PPFIBP2: variants seen among roughly 807,000 people sequenced by gnomAD.
PPFIBP2 encodes PPFIB scaffold protein 2, also known as liprin-beta-2.
PPFIBP2 carries 118 observed loss-of-function variants against 118.3 expected under a neutral mutation model. The ratio of observed to expected loss-of-function variants is 1.00; its 90% CI spans 0.86 to 1.16. PPFIBP2 has a LOEUF of 1.16. Ranked by LOEUF, PPFIBP2 falls within the 50% of genes most tolerant of loss-of-function variation. The probability of loss-of-function intolerance (pLI) is 0.00; values close to 1 mark genes in which losing one functional copy is unlikely to be tolerated. For missense variants in PPFIBP2, 1,195 were observed against 1,073.1 expected (o/e 1.11, Z -1.59); for synonymous variants, 414 against 397.4 (o/e 1.04, Z -0.50).
chr11:7,649,225 A>AC lies in PPFIBP2; in HGVS notation c.1990dup (p.Leu664ProfsTer43). ...AGAGTTGACAGACGAATGCTGCAAT[A>AC]CCTAACTGTGGTGAGGACTTTTTCT... On this transcript the variant is annotated frameshift_variant, in exon 20 of 24. Transcript: ENST00000299492. LOFTEE classifies it high-confidence loss of function. The AC allele has an allele frequency of 6.2e-7, 1 of 1,613,218 alleles. No homozygotes were observed. The highest frequency in any genetic ancestry group is 8.5e-7 in the Non-Finnish European group (1 of 1,179,214).
intron 6 of PPFIBP2, among the ~76,000 whole-genome samples, chr11:7,614,621 G>A (rs1848430328): frequency 6.6e-6 from 1 of 152,106 alleles, no homozygotes; most frequent in Non-Finnish European, 1.5e-5. Flanking sequence ...GAATTTATGG[G>A]TCAAGGAGTA....
At chr11:7,619,512 G>A (rs145923419) in intron 6 of PPFIBP2, among the ~76,000 whole-genome samples, 11 of 152,330 alleles carry the variant, frequency 7.2e-5, no homozygotes, top group African/African-American at 2.6e-4. Flanking sequence ...ATGATCTGAT[G>A]TATGGTTTGA....
Position 7,563,093 on chromosome 11 carries a change from G to A in PPFIBP2, c.65-2460G>A, listed in dbSNP as rs150299730. Among the ~76,000 whole-genome samples the A allele has an allele frequency of 3.8e-3, 577 of 151,138 alleles. 4 individuals carry two copies. The highest frequency in any genetic ancestry group is 0.013 in the African/African-American group (532 of 41,136). On this transcript the variant is annotated intron_variant, in intron 2 of 23. Coordinates refer to ENST00000299492, the MANE Select transcript of PPFIBP2 (RefSeq NM_003621.5). The stretch of plus-strand genomic sequence containing the variant: ...AATCCCAAAGCTTTAGGGCAGAGAG[G>A]GTCACAGAGAAAGGAAGAGACTTTT...
chr11:7,614,459 A>G (rs1396959784), intron 6 of PPFIBP2, among the ~76,000 whole-genome samples: 2 of 152,178 alleles, frequency 1.3e-5, no homozygotes, highest in South Asian at 2.1e-4. Flanking sequence ...CCTCATTCAT[A>G]TCTATGTCTG....
chr11:7,557,295 T>C (rs7115550), intron 2 of PPFIBP2, among the ~76,000 whole-genome samples: 38,492 of 151,812 alleles, frequency 0.25, 5,718 homozygotes, highest in African/African-American at 0.42. Flanking sequence ...GCTTTCCTTT[T>C]CTTTAAGGTT....
At chr11:7,579,396 T>C (rs2134983394) in intron 3 of PPFIBP2, among the ~76,000 whole-genome samples, 1 of 152,272 alleles carries the variant, frequency 6.6e-6, no homozygotes, top group South Asian at 2.1e-4. Flanking sequence ...CCAGAAAGCA[T>C]GCTGAGATGA....
chr11:7,625,061 A>G (rs1018353079), intron 7 of PPFIBP2, among the ~76,000 whole-genome samples: 6 of 152,214 alleles, frequency 3.9e-5, no homozygotes, highest in Non-Finnish European at 7.3e-5. Flanking sequence ...CATGGGAACC[A>G]TCTAGTGCAG....
At chr11:7,518,067 C>T (rs1160230117) in intron 1 of PPFIBP2, among the ~76,000 whole-genome samples, 7 of 152,318 alleles carry the variant, frequency 4.6e-5, no homozygotes, top group Non-Finnish European at 7.3e-5. Flanking sequence ...GCTGTGGCCC[C>T]GTGGGCCTGC....
intron 5 of PPFIBP2, among the ~76,000 whole-genome samples, chr11:7,601,178 C>T (rs1861359191): frequency 6.6e-6 from 1 of 152,230 alleles, no homozygotes; most frequent in Non-Finnish European, 1.5e-5. Context: ...AGTTCATGAA[C>T]AATATACTCA....
intron 4 of PPFIBP2, among the ~76,000 whole-genome samples, chr11:7,594,254 C>A (rs11041469): frequency 1.3e-5 from 2 of 151,702 alleles, no homozygotes; most frequent in Non-Finnish European, 2.9e-5. Context: ...GTTAACACTT[C>A]GGCCTTTTTT....
chr11:7,578,719 G>A (rs1856812726), intron 3 of PPFIBP2, among the ~76,000 whole-genome samples: 1 of 152,196 alleles, frequency 6.6e-6, no homozygotes, highest in Non-Finnish European at 1.5e-5. Flanking sequence ...GGAGAAGGGG[G>A]TTGGGGCGGT....
intron 1 of PPFIBP2, among the ~76,000 whole-genome samples, chr11:7,523,598 GCA>G (rs1253595269): frequency 6.6e-6 from 1 of 152,188 alleles, no homozygotes; most frequent in Non-Finnish European, 1.5e-5. Flanking sequence ...GCCACAAATT[GCA>G]CAGATTACAG....
chr11:7,537,471 T>C (rs1353971364), intron 1 of PPFIBP2, among the ~76,000 whole-genome samples: 2 of 152,240 alleles, frequency 1.3e-5, no homozygotes, highest in African/African-American at 4.8e-5. Context: ...CTATTGTGAA[T>C]GGCTGTGTGG....
At chr11:7,554,023 G>T (rs1312905726) in intron 2 of PPFIBP2, among the ~76,000 whole-genome samples, 2 of 151,672 alleles carry the variant, frequency 1.3e-5, no homozygotes, top group Non-Finnish European at 2.9e-5. Context: ...CACAGCTAAA[G>T]AAGTTTGAAA....
chr11:7,560,405 G>GTATA (rs555013012), intron 2 of PPFIBP2, among the ~76,000 whole-genome samples: 1 of 152,044 alleles, frequency 6.6e-6, no homozygotes, highest in Non-Finnish European at 1.5e-5. Flanking sequence ...GTATTTCTCT[G>GTATA]TATATATATA....
chr11:7,647,348 T>C lies in PPFIBP2; in HGVS notation c.1647-1039T>C, dbSNP rs1057301352. Among the ~76,000 whole-genome samples the C allele has an allele frequency of 2.5e-4, 38 of 152,148 alleles. 1 individual carries two copies. Among genetic ancestry groups the C allele is most frequent in the African/African-American group, 8.9e-4 (37 of 41,430 alleles). Reference sequence around the variant, plus strand: ...TGCTATTCACACTTTAAATGAAAAATGGATGTCTTTAAGAATTGATGGCTT... The same window carrying C: ...TGCTATTCACACTTTAAATGAAAAACGGATGTCTTTAAGAATTGATGGCTT... On this transcript the variant is annotated intron_variant, in intron 17 of 23. Transcript: ENST00000299492.
intron 3 of PPFIBP2, chr11:7,577,398 T>C (rs1856583261): frequency 2.7e-6 from 1 of 368,472 alleles, no homozygotes; most frequent in African/African-American, 2.1e-5. Context: ...CGGTCTGCTC[T>C]GTGTCGCTGT....
intron 6 of PPFIBP2, among the ~76,000 whole-genome samples, chr11:7,611,133 GT>G (rs1341893579): frequency 1.3e-5 from 2 of 152,168 alleles, no homozygotes; most frequent in East Asian, 3.9e-4. Context: ...AAGAAGATAG[GT>G]TTTAGGTTTA....
intron 2 of PPFIBP2, 119 bp downstream of exon 2, chr11:7,549,658 T>C: frequency 9.4e-7 from 1 of 1,069,206 alleles, no homozygotes; most frequent in African/African-American, 1.6e-5. Context: ...GTTATATTTA[T>C]TTTTCAGTGG....
Sources: allele counts gnomAD v4.1 joint callset (sites outside exome capture counted in the v4.1 genomes callset), GRCh38; gene constraint gnomAD v4.1.1; transcripts MANE v1.5; gene names NCBI Gene and HGNC (gene_info 2026-07-23, HGNC 2026-07-21).